ELP3: variants seen among roughly 807,000 people sequenced by gnomAD.
ELP3 encodes elongator complex protein 3.
In ELP3, 56 loss-of-function variants were observed where a neutral mutation model predicts 74.9. The observed-to-expected ratio is 0.75, with a 90% CI of 0.60 to 0.93. The LOEUF is 0.93. ELP3 is among the 40% of genes least tolerant of loss of function. The probability of loss-of-function intolerance (pLI) is 0.00; values close to 1 mark genes in which losing one functional copy is unlikely to be tolerated. For missense variants in ELP3, 573 were observed against 686.5 expected, an observed-to-expected ratio of 0.83 and a Z score of 1.85; for synonymous variants, 222 against 239.8, an observed-to-expected ratio of 0.93 and a Z score of 0.68.
chr8:28,146,789 T>C (rs1813450364), intron 10 of ELP3, among the ~76,000 whole-genome samples: 1 of 152,240 alleles, frequency 6.6e-6, no homozygotes, highest in South Asian at 2.1e-4. Flanking sequence ...TTTCTGTTCC[T>C]TAATGAGGAA....
At chr8:28,175,565 A>G (rs954156786) in intron 14 of ELP3, among the ~76,000 whole-genome samples, 2 of 152,162 alleles carry the variant, frequency 1.3e-5, no homozygotes, top group African/African-American at 4.8e-5. Context: ...CCTTAGGCAT[A>G]TTTAATACAG....
upstream of ELP3, among the ~76,000 whole-genome samples, chr8:28,090,945 C>T (rs1179276254): frequency 3.5e-4 from 47 of 135,114 alleles, no homozygotes; most frequent in African/African-American, 1.2e-3. Flanking sequence ...CTCACTGTGT[C>T]GCCCAGGCTG....
chr8:28,103,909 T>C (rs1312616341), intron 3 of ELP3, among the ~76,000 whole-genome samples: 1 of 152,114 alleles, frequency 6.6e-6, no homozygotes, highest in Non-Finnish European at 1.5e-5. Flanking sequence ...TTGTGTTTTT[T>C]GTAGAGACAG....
intron 12 of ELP3, 151 bp from the exon 13 acceptor site, chr8:28,160,078 T>C: frequency 1.4e-6 from 1 of 694,486 alleles, no homozygotes; most frequent in South Asian, 2.0e-5. Context: ...TTGGTGCTAT[T>C]TGAGAGTAGA....
chr8:28,103,459 A>G (rs1811571106), intron 3 of ELP3, among the ~76,000 whole-genome samples: 1 of 152,066 alleles, frequency 6.6e-6, no homozygotes, highest in African/African-American at 2.4e-5. Flanking sequence ...TCATTCACCT[A>G]TTGAAGGACA....
chr8:28,167,644 T>G (rs1235591124), intron 14 of ELP3, among the ~76,000 whole-genome samples: 3 of 152,190 alleles, frequency 2.0e-5, no homozygotes, highest in Non-Finnish European at 4.4e-5. Flanking sequence ...GACCAGTTTG[T>G]GGCACCTACA....
chr8:28,118,930 T>C (rs1009754543), intron 7 of ELP3: 3 of 152,022 alleles, frequency 2.0e-5, no homozygotes, highest in African/African-American at 7.3e-5. Flanking sequence ...ACTATGTTCT[T>C]ACCTGTCTGA....
chr8:28,106,395 C>T (rs537397593), intron 3 of ELP3, among the ~76,000 whole-genome samples: 129 of 151,704 alleles, frequency 8.5e-4, no homozygotes, highest in African/African-American at 7.2e-4. Context: ...AAAAAATTAG[C>T]CGGGCGTAGT....
chr8:28,135,635 C>T (rs915320272), intron 9 of ELP3, among the ~76,000 whole-genome samples: 2 of 152,130 alleles, frequency 1.3e-5, no homozygotes, highest in East Asian at 1.9e-4. Context: ...TCTGCCTGTT[C>T]GGGAAAGGCT....
intron 14 of ELP3, among the ~76,000 whole-genome samples, chr8:28,182,224 C>T (rs1245021575): frequency 1.3e-5 from 2 of 152,186 alleles, no homozygotes; most frequent in Non-Finnish European, 2.9e-5. Context: ...CTTTCCCCTA[C>T]AATTTCTCTC....
At chr8:28,170,544 G>C (rs1477984055) in intron 14 of ELP3, among the ~76,000 whole-genome samples, 2 of 152,116 alleles carry the variant, frequency 1.3e-5, no homozygotes, top group African/African-American at 4.8e-5. Flanking sequence ...TGATGCTTTA[G>C]GTGCGCGTGC....
At chr8:28,111,479 A>T (rs893639069) in intron 6 of ELP3, among the ~76,000 whole-genome samples, 9 of 152,198 alleles carry the variant, frequency 5.9e-5, no homozygotes, top group African/African-American at 2.2e-4. Flanking sequence ...CATAGTGGAT[A>T]AGTTGTCTCT....
intron 7 of ELP3, among the ~76,000 whole-genome samples, chr8:28,127,221 G>A (rs1455892420): frequency 6.6e-6 from 1 of 152,090 alleles, no homozygotes; most frequent in East Asian, 1.9e-4. Flanking sequence ...CCTTGGTGGG[G>A]CCTTTGACAC....
At chr8:28,168,039 G>A (rs541475190) in intron 14 of ELP3, among the ~76,000 whole-genome samples, 16 of 152,310 alleles carry the variant, frequency 1.1e-4, no homozygotes, top group African/African-American at 3.6e-4. Flanking sequence ...CACTGTGGCA[G>A]CATTGTTTTG....
chr8:28,162,170 A>G, intron 14 of ELP3, 92 bp downstream of exon 14: 1 of 1,303,004 alleles, frequency 7.7e-7, no homozygotes, highest in Non-Finnish European at 1.1e-6. Context: ...GCCCCTGTTG[A>G]TGGTTATTAC....
At chr8:28,121,548 G>A (rs565504041) in intron 7 of ELP3, among the ~76,000 whole-genome samples, 173 of 151,896 alleles carry the variant, frequency 1.1e-3, no homozygotes, top group African/African-American at 3.8e-3. Flanking sequence ...TCAAACTCCC[G>A]GCCTCAGGTG....
chr8:28,128,431 G>A (rs1395341441), intron 7 of ELP3, among the ~76,000 whole-genome samples: 4 of 152,106 alleles, frequency 2.6e-5, no homozygotes, highest in South Asian at 2.1e-4. Context: ...AGCCAAGATC[G>A]CGCCACTGTA....
At chr8:28,161,845 A>G (rs1814104809) in intron 13 of ELP3, 152 bp from the exon 14 acceptor site, 2 of 636,630 alleles carry the variant, frequency 3.1e-6, no homozygotes, top group Admixed American at 3.0e-5. Flanking sequence ...GTAGGATTGA[A>G]TGGTTTCTTT....
intron 14 of ELP3, among the ~76,000 whole-genome samples, chr8:28,165,325 T>A (rs1563283379): frequency 6.6e-6 from 1 of 152,194 alleles, no homozygotes; most frequent in South Asian, 2.1e-4. Flanking sequence ...CAATAATAGA[T>A]CTCGGTCTCG....
Sources: allele counts gnomAD v4.1 joint callset (sites outside exome capture counted in the v4.1 genomes callset), GRCh38; gene constraint gnomAD v4.1.1; transcripts MANE v1.5; gene names NCBI Gene and HGNC (gene_info 2026-07-23, HGNC 2026-07-21).